Variants in PELI2 observed in about 807,000 individuals in gnomAD.
The protein encoded by PELI2 is pellino E3 ubiquitin protein ligase family member 2, also known as E3 ubiquitin-protein ligase pellino homolog 2.
A neutral mutation model predicts 42.3 loss-of-function variants in PELI2; 23 were observed. That is an observed-to-expected ratio of 0.54 (90% CI 0.39 to 0.77). PELI2 has a LOEUF of 0.77. Among genes scored for constraint, PELI2 ranks in the 30% least tolerant of loss-of-function variants. The pLI is 0.00. For missense variants in PELI2, 463 were observed against 553.2 expected (o/e 0.84, Z 1.64); for synonymous variants, 245 against 212.2 (o/e 1.15, Z -1.34).
At chr14:56,212,159 G>A (rs1388763924) in intron 2 of PELI2, among the ~76,000 whole-genome samples, 1 of 152,202 alleles carries the variant, frequency 6.6e-6, no homozygotes, top group Non-Finnish European at 1.5e-5. Context: ...CGTTTTCTTA[G>A]GACATTAGTA....
rs180918390 is a variant in PELI2 at position 56,194,808 on chromosome 14, C to G, written c.207+16344C>G. Among the ~76,000 whole-genome samples, 192 of 152,248 alleles carry G rather than the reference C, an allele frequency of 1.3e-3. 2 individuals are homozygous for G. Among genetic ancestry groups the G allele is most frequent in the African/African-American group, 4.2e-3 (174 of 41,558 alleles). On this transcript the variant is annotated intron_variant, in intron 2 of 5. Coordinates refer to ENST00000267460, the MANE Select transcript of PELI2 (RefSeq NM_021255.3). ...CGCCCATACCCTTCTAGCCTCCTTT[C>G]CACCAGTGCCCATTCCTCTGCCTCA...
chr14:56,209,435 A>T lies in PELI2; in HGVS notation c.207+30971A>T, dbSNP rs574160403. Among the ~76,000 whole-genome samples the T allele has an allele frequency of 2.6e-5, 4 of 152,376 alleles. No individual in the cohort carries two copies. The East Asian group carries it at 7.7e-4, about 29-fold the overall frequency. On this transcript the variant is annotated intron_variant, in intron 2 of 5. Transcript: ENST00000267460. ...TGCAACAGACTCAGTGCAGAAGCAG[A>T]TATGAGAATTGAGTCAGACATTAGA...
chr14:56,259,115 T>TTTAGCA (rs1888626589), intron 2 of PELI2, among the ~76,000 whole-genome samples: 1 of 152,132 alleles, frequency 6.6e-6, no homozygotes, highest in Admixed American at 6.6e-5. Flanking sequence ...CACCCTAGAA[T>TTTAGCA]TTAGCATAAA....
chr14:56,173,735 A>G (rs868390967), intron 1 of PELI2, among the ~76,000 whole-genome samples: 9 of 152,096 alleles, frequency 5.9e-5, no homozygotes, highest in East Asian at 1.9e-4. Context: ...CCTCCATCAC[A>G]TGGTCGTCTC....
rs1481453910 is a variant in PELI2 at position 56,299,627 on chromosome 14, GAGTT to G, written c.*2466_*2469del. Reference sequence around the variant, plus strand: ...TAAGGAGATTTTTTTTTTCACAGTTGAGTTAGTTTGTGAAAATAAAGAACTCTGT... The same window carrying G: ...TAAGGAGATTTTTTTTTTCACAGTTGAGTTTGTGAAAATAAAGAACTCTGT... On this transcript the variant is annotated 3_prime_UTR_variant, in exon 6 of 6. Transcript: ENST00000267460. 1 of 151,906 alleles carries G rather than the reference GAGTT, an allele frequency of 6.6e-6. No individual in the cohort carries two copies. The highest frequency in any genetic ancestry group is 1.5e-5 in the Non-Finnish European group (1 of 67,966). The allele number at this position is 151,906 out of a possible 1,614,324, so 9.4% of individuals were successfully genotyped here.
At chr14:56,177,181 A>G (rs915709879) in intron 1 of PELI2, among the ~76,000 whole-genome samples, 1 of 152,248 alleles carries the variant, frequency 6.6e-6, no homozygotes, top group Admixed American at 6.5e-5. Flanking sequence ...AACCATTGTC[A>G]GACTGTGACG....
At chr14:56,218,808 A>C (rs1306102850) in intron 2 of PELI2, among the ~76,000 whole-genome samples, 1 of 152,192 alleles carries the variant, frequency 6.6e-6, no homozygotes, top group Admixed American at 6.5e-5. Flanking sequence ...ACAAAAAGCA[A>C]GAGAGCTATT....
At position 56,297,444 on chromosome 14, in the gene PELI2, C is replaced by A; in HGVS notation, c.*278C>A. On this transcript the variant is annotated 3_prime_UTR_variant, in exon 6 of 6. Coordinates refer to ENST00000267460, the MANE Select transcript of PELI2 (RefSeq NM_021255.3). Reference sequence around the variant, plus strand: ...TAAAATGCTATGCTTCTATTTTTAACCTTGGGTTTTTAACCAAGTTTTTTT... The same window carrying A: ...TAAAATGCTATGCTTCTATTTTTAAACTTGGGTTTTTAACCAAGTTTTTTT... The A allele has an allele frequency of 3.1e-6, 1 of 321,664 alleles. No homozygotes were observed. Among genetic ancestry groups the A allele is most frequent in the Non-Finnish European group, 5.6e-6 (1 of 179,520 alleles). The allele number at this position is 321,664 out of a possible 1,614,324, so 19.9% of individuals were successfully genotyped here. A position where few individuals can be genotyped will look rare whatever the true frequency, so the allele number is the denominator to read the frequency against.
chr14:56,119,469 G>A (rs2139567441), intron 1 of PELI2, among the ~76,000 whole-genome samples: 1 of 152,330 alleles, frequency 6.6e-6, no homozygotes, highest in Admixed American at 6.5e-5. Context: ...TCCCGGCCTC[G>A]CTGATGCCCT....
chr14:56,244,845 G>A (rs1280701867), intron 2 of PELI2, among the ~76,000 whole-genome samples: 1 of 152,168 alleles, frequency 6.6e-6, no homozygotes, highest in Non-Finnish European at 1.5e-5. Flanking sequence ...TAGACAGATG[G>A]CATATTGCAT....
At position 56,193,025 on chromosome 14, in the gene PELI2, C is replaced by A. The variant is rs1886007627; in HGVS notation, c.207+14561C>A. Among the ~76,000 whole-genome samples the A allele has an allele frequency of 2.6e-5, 4 of 152,220 alleles. No individual in the cohort carries two copies. The South Asian group carries it at 8.3e-4, about 32-fold the overall frequency. ...CAAAGTGAATGCATATCTGACTCTT[C>A]CGACAAGTTCCTTTGCCTTCAGTAA... On this transcript the variant is annotated intron_variant, in intron 2 of 5. Transcript: ENST00000267460.
At chr14:56,230,145 G>A (rs1340103562) in intron 2 of PELI2, among the ~76,000 whole-genome samples, 3 of 152,164 alleles carry the variant, frequency 2.0e-5, no homozygotes, top group African/African-American at 7.2e-5. Context: ...GAAAGTGAAG[G>A]GGAGAATGGA....
chr14:56,158,509 T>C (rs1441694387), intron 1 of PELI2, among the ~76,000 whole-genome samples: 2 of 151,670 alleles, frequency 1.3e-5, no homozygotes, highest in Non-Finnish European at 2.9e-5. Flanking sequence ...ACCTGGCTAA[T>C]TTTTATATTT....
chr14:56,180,033 T>G lies in PELI2; in HGVS notation c.207+1569T>G, dbSNP rs1215199223. On this transcript the variant is annotated intron_variant, in intron 2 of 5. Coordinates refer to ENST00000267460, the MANE Select transcript of PELI2 (RefSeq NM_021255.3). The surrounding 1 kb of genome is among the most constrained non-coding windows in gnomAD (Gnocchi z 4.4). ...TCTTTAATCTTTAGCCACTGCCATC[T>G]CCTCCCATTTTAGCCTTTTATGTTT... Among the ~76,000 whole-genome samples the G allele has an allele frequency of 1.3e-5, 2 of 152,188 alleles. No individual in the cohort carries two copies. The highest frequency in any genetic ancestry group is 2.9e-5 in the Non-Finnish European group (2 of 68,012).
chr14:56,286,316 A>C (rs180672529), intron 3 of PELI2, among the ~76,000 whole-genome samples: 155 of 152,318 alleles, frequency 1.0e-3, no homozygotes, highest in African/African-American at 3.6e-3. Flanking sequence ...CCCAGGAGGG[A>C]AGTCAGAAAA....
In PELI2 at chr14:56,172,599, A is replaced by G. The variant is rs547932096; in HGVS notation, c.78-5736A>G. Among the ~76,000 whole-genome samples, 64 of 152,210 alleles carry G rather than the reference A, an allele frequency of 4.2e-4. No individual in the cohort carries two copies. The South Asian group carries it at 5.8e-3, about 14-fold the overall frequency. ...GGCTGTATGATGAATGATCAAATGT[A>G]CTTTTGGATCTGGGGGCAAAGATTG... On this transcript the variant is annotated intron_variant, in intron 1 of 5. Coordinates refer to ENST00000267460, the MANE Select transcript of PELI2 (RefSeq NM_021255.3).
chr14:56,230,180 G>T (rs1020220665), intron 2 of PELI2, among the ~76,000 whole-genome samples: 1 of 152,202 alleles, frequency 6.6e-6, no homozygotes, highest in East Asian at 1.9e-4. Context: ...CACTCTTCAG[G>T]GTATTATCCA....
rs529119685 is a variant in PELI2, at chr14:56,165,178, T to G, written c.78-13157T>G. On this transcript the variant is annotated intron_variant, in intron 1 of 5. Coordinates refer to ENST00000267460, the MANE Select transcript of PELI2 (RefSeq NM_021255.3). ...GGCCATTAACAGCTATAAACTTCCCTGTTAGTACTACTTTTGCTGTATCTG... is the reference window on the plus strand; with the variant it reads ...GGCCATTAACAGCTATAAACTTCCCGGTTAGTACTACTTTTGCTGTATCTG... Among the ~76,000 whole-genome samples the G allele has an allele frequency of 2.4e-4, 36 of 152,284 alleles. No homozygotes were observed. In the South Asian group the frequency reaches 5.6e-3, roughly 24 times the overall value.
chr14:56,186,756 A>G (rs987072336), intron 2 of PELI2, among the ~76,000 whole-genome samples: 2 of 152,218 alleles, frequency 1.3e-5, no homozygotes, highest in African/African-American at 2.4e-5. Flanking sequence ...ACTGATATAC[A>G]GTAATTACAA....
Sources: allele counts gnomAD v4.1 joint callset (sites outside exome capture counted in the v4.1 genomes callset), GRCh38; gene constraint gnomAD v4.1.1; non-coding constraint Gnocchi (gnomAD v3.1); transcripts MANE v1.5; gene names NCBI Gene and HGNC (gene_info 2026-07-23, HGNC 2026-07-21).